Variants in PRIM2 observed in about 807,000 individuals in gnomAD.
PRIM2 encodes DNA primase subunit 2.
A neutral mutation model predicts 67.3 loss-of-function variants in PRIM2; 39 were observed. That is an observed-to-expected ratio of 0.58 (90% confidence interval 0.45 to 0.76). The LOEUF is 0.76. Ranked by LOEUF, PRIM2 falls within the 30% of genes least tolerant of loss-of-function variation. The pLI is 0.00. For missense variants in PRIM2, 398 were observed against 598.7 expected, an observed-to-expected ratio of 0.66 and a Z score of 3.50; for synonymous variants, 143 against 198.7, an observed-to-expected ratio of 0.72 and a Z score of 2.36.
At chr6:57,443,000 T>G (rs1233497351) in intron 7 of PRIM2, among the ~76,000 whole-genome samples, 1 of 152,132 alleles carries the variant, frequency 6.6e-6, no homozygotes, top group Non-Finnish European at 1.5e-5. Flanking sequence ...TATTTTAGAT[T>G]CCCCATGTGA....
chr6:57,549,857 G>A (rs1178712824), intron 10 of PRIM2, among the ~76,000 whole-genome samples: 4 of 152,224 alleles, frequency 2.6e-5, no homozygotes, highest in African/African-American at 7.2e-5. Context: ...AGGCCGAGGC[G>A]GGCAGATGAC....
At position 57,379,925 on chromosome 6, in the gene PRIM2, C is replaced by T. The variant is rs762900702; in HGVS notation, c.484C>T (p.Arg162Ter). 52 of 1,554,122 alleles carry T rather than the reference C, an allele frequency of 3.3e-5. No individual in the cohort carries two copies. The highest frequency in any genetic ancestry group is 4.3e-5 in the Non-Finnish European group (49 of 1,148,090). Residue 162 changes from arginine (R) to a stop codon, truncating the protein, a stop_gained, in exon 6 of 14, where the codon CGA becomes TGA. Coordinates refer to ENST00000615550, the MANE Select transcript of PRIM2 (RefSeq NM_000947.5). LOFTEE classifies it high-confidence loss of function. ...GATAAGTGATGAAGAGAAGACTCTT[C>T]GAGAACAGGAGATTGTTGCCTCATC... Reference protein sequence around the residue: ...EAISDEEKTLREQEIVASSPS... With the variant: ...EAISDEEKTL
At chr6:57,395,788 G>A (rs972440185) in intron 7 of PRIM2, among the ~76,000 whole-genome samples, 15 of 152,174 alleles carry the variant, frequency 9.9e-5, no homozygotes, top group African/African-American at 3.4e-4. Context: ...TCTTTTTGAT[G>A]TAGGCATTTA....
intron 7 of PRIM2, among the ~76,000 whole-genome samples, chr6:57,503,839 C>G (rs2127458559): frequency 6.6e-6 from 1 of 152,190 alleles, no homozygotes; most frequent in East Asian, 1.9e-4. Flanking sequence ...AATTCTAAAC[C>G]CTTGGTAAAG....
the PRIM2 span, among the ~76,000 whole-genome samples, chr6:57,240,171 C>G: frequency 6.9e-6 from 1 of 144,678 alleles, no homozygotes; most frequent in Non-Finnish European, 1.5e-5. Context: ...GCGATCTCGG[C>G]TCACACTGCA....
At chr6:57,260,105 G>C in the PRIM2 span, among the ~76,000 whole-genome samples, 43 of 152,248 alleles carry the variant, frequency 2.8e-4, no homozygotes, top group East Asian at 6.0e-3. Context: ...CCTTCAACAT[G>C]AGAGGGACTC....
intron 5 of PRIM2, among the ~76,000 whole-genome samples, chr6:57,367,976 C>G (rs893362477): frequency 2.0e-5 from 3 of 152,202 alleles, no homozygotes; most frequent in African/African-American, 7.2e-5. Context: ...CATCTTTAAT[C>G]CCCATGTACT....
chr6:57,383,561 A>C (rs1770031744), intron 7 of PRIM2: 1 of 146,050 alleles, frequency 6.8e-6, no homozygotes, highest in African/African-American at 2.6e-5. Context: ...CTCCTGAAAA[A>C]AGTTTTTCTT....
the PRIM2 span, among the ~76,000 whole-genome samples, chr6:57,256,859 C>A: frequency 1.3e-5 from 2 of 152,166 alleles, no homozygotes; most frequent in African/African-American, 4.8e-5. Context: ...ATCTATCTAA[C>A]TGATGTGCTA....
At chr6:57,370,286 A>G (rs1217153080) in intron 5 of PRIM2, among the ~76,000 whole-genome samples, 2 of 152,238 alleles carry the variant, frequency 1.3e-5, no homozygotes, top group African/African-American at 4.8e-5. Context: ...GAACCTAAAT[A>G]AATGAAATAT....
At chr6:57,643,257 A>G (rs1471016824) in intron 13 of PRIM2, among the ~76,000 whole-genome samples, 1 of 152,220 alleles carries the variant, frequency 6.6e-6, no homozygotes, top group African/African-American at 2.4e-5. Context: ...TTTGCATGAA[A>G]TAGTACAACT....
chr6:57,415,307 G>T (rs1325361125), intron 7 of PRIM2, among the ~76,000 whole-genome samples: 1 of 152,136 alleles, frequency 6.6e-6, no homozygotes, highest in African/African-American at 2.4e-5. Context: ...GATATTGCAG[G>T]TTCTGTTCGA....
At chr6:57,583,339 CCA>C (rs1170588324) in intron 10 of PRIM2, among the ~76,000 whole-genome samples, 64 of 108,764 alleles carry the variant, frequency 5.9e-4, no homozygotes, top group Admixed American at 1.7e-3. Context: ...TCCCCCCACC[CCA>C]CAACAGTCCC....
intron 5 of PRIM2, among the ~76,000 whole-genome samples, chr6:57,348,640 T>A (rs534213586): frequency 2.0e-5 from 3 of 152,274 alleles, no homozygotes; most frequent in Admixed American, 2.0e-4. Context: ...TAAAAATGAT[T>A]GGCAAGTCCA....
At chr6:57,348,138 A>G (rs2127298788) in intron 5 of PRIM2, among the ~76,000 whole-genome samples, 1 of 152,014 alleles carries the variant, frequency 6.6e-6, no homozygotes, top group African/African-American at 2.4e-5. Flanking sequence ...TCTAGGGAAA[A>G]CATTATATTC....
At chr6:57,305,471 T>C in the PRIM2 span, among the ~76,000 whole-genome samples, 2 of 152,160 alleles carry the variant, frequency 1.3e-5, no homozygotes, top group African/African-American at 2.4e-5. Context: ...AAATAATCAG[T>C]CTCATGTTAA....
chr6:57,247,195 T>A, the PRIM2 span, among the ~76,000 whole-genome samples: 1 of 152,164 alleles, frequency 6.6e-6, no homozygotes, highest in African/African-American at 2.4e-5. Flanking sequence ...AGAGTATCCA[T>A]CGTCTTTCCT....
chr6:57,551,427 A>G (rs1407967167), intron 10 of PRIM2, among the ~76,000 whole-genome samples: 114 of 152,336 alleles, frequency 7.5e-4, no homozygotes, highest in African/African-American at 2.6e-3. Context: ...AAAAACTCAG[A>G]TTTAAAAAAT....
Position 57,320,525 on chromosome 6 carries a change from G to A in PRIM2, c.223G>A (p.Glu75Lys). Reference sequence around the variant, plus strand: ...AACTGAACAATACCAGAGTAAGTTGGAGAGTGAGCTTCGGAAGCTCAAGTT... The same window carrying A: ...AACTGAACAATACCAGAGTAAGTTGAAGAGTGAGCTTCGGAAGCTCAAGTT... ...KGTEQYQSKL[E>K]SELRKLKFSY... Residue 75 changes from glutamate to lysine, a missense_variant, in exon 3 of 14, where the codon GAG (glutamate) becomes AAG (lysine). Around this residue, in one of 4 missense-constraint regions of PRIM2, gnomAD observed 96 missense variants for 98.3 expected, o/e 0.98. Coordinates refer to ENST00000615550, the MANE Select transcript of PRIM2 (RefSeq NM_000947.5). 6.2e-7 allele frequency: 1 copy of A among 1,609,816 alleles called. No individual in the cohort carries two copies. The highest frequency in any genetic ancestry group is 8.5e-7 in the Non-Finnish European group (1 of 1,178,932).
Sources: allele counts gnomAD v4.1 joint callset (sites outside exome capture counted in the v4.1 genomes callset), GRCh38; gene constraint gnomAD v4.1.1; regional missense constraint gnomAD v4.1.1; transcripts MANE v1.5; gene names NCBI Gene and HGNC (gene_info 2026-07-23, HGNC 2026-07-21).